Variants in PUM2 observed in about 807,000 individuals in gnomAD.
PUM2 encodes pumilio homolog 2.
Under a neutral mutation model 124.5 loss-of-function variants are expected in PUM2, and 57 were observed. The ratio of observed to expected loss-of-function variants is 0.46; its 90% CI spans 0.37 to 0.57. The LOEUF (loss-of-function observed/expected upper bound fraction) is 0.57. Among genes scored for constraint, PUM2 ranks in the 20% least tolerant of loss-of-function variants. The pLI is 0.00. For missense variants in PUM2, 1,065 were observed against 1,290.6 expected (o/e 0.83, Z 2.68); for synonymous variants, 460 against 446.1 (o/e 1.03, Z -0.39).
intron 8 of PUM2, among the ~76,000 whole-genome samples, chr2:20,296,529 A>C (rs1455635282): frequency 1.3e-5 from 2 of 151,604 alleles, no homozygotes; most frequent in South Asian, 2.1e-4. Context: ...CTAGGAAAAT[A>C]CTGACTGTCA....
intron 2 of PUM2, among the ~76,000 whole-genome samples, chr2:20,322,289 T>A (rs1450080597): frequency 6.6e-6 from 1 of 152,072 alleles, no homozygotes; most frequent in African/African-American, 2.4e-5. Flanking sequence ...TAAGAACAGA[T>A]CCTCAAAACT....
rs147371700 is a variant in PUM2 at position 20,317,408 on chromosome 2, T to A, written c.160+1129A>T. Among the ~76,000 whole-genome samples, 30 of 152,308 alleles carry A rather than the reference T, an allele frequency of 2.0e-4. 1 individual carries two copies. In the East Asian group the frequency reaches 5.8e-3, roughly 29 times the overall value. ...TTACCAAGACAGTCTACTTCCTTCC[T>A]GGGTGTGGCAAATATCTAATAAAGC... On this transcript the variant is annotated intron_variant, in intron 3 of 20. Coordinates refer to ENST00000361078, the MANE Select transcript of PUM2 (RefSeq NM_015317.5).
At chr2:20,326,301 A>G (rs1683656795) in intron 2 of PUM2, 1 of 1,303,874 alleles carries the variant, frequency 7.7e-7, no homozygotes, top group African/African-American at 1.5e-5. Context: ...TCTTTGGAAA[A>G]CGCTGTTCTG....
intron 1 of PUM2, among the ~76,000 whole-genome samples, chr2:20,345,018 C>T (rs1158630859): frequency 1.3e-5 from 2 of 149,010 alleles, no homozygotes; most frequent in African/African-American, 4.9e-5. Flanking sequence ...AAGAAGATTC[C>T]GCTTTACCTC....
At chr2:20,350,375 C>T in intron 1 of PUM2, 1 of 750,718 alleles carries the variant, frequency 1.3e-6, no homozygotes, top group Non-Finnish European at 1.6e-6. Context: ...GGGAAAGCGG[C>T]CGGCGCGGCG....
chr2:20,313,835 C>CAAAAAA (rs35569645), intron 3 of PUM2, among the ~76,000 whole-genome samples: 5 of 55,052 alleles, frequency 9.1e-5, no homozygotes, highest in African/African-American at 2.2e-4. Context: ...GATCCTGTCT[C>CAAAAAA]AAAAAAAAAA....
At chr2:20,311,843 T>C (rs1679681372) in intron 4 of PUM2, among the ~76,000 whole-genome samples, 180 bp from the exon 5 acceptor site, 1 of 152,162 alleles carries the variant, frequency 6.6e-6, no homozygotes, top group Non-Finnish European at 1.5e-5. Flanking sequence ...TAGTGATTTA[T>C]AACAGAAGGG....
intron 9 of PUM2, among the ~76,000 whole-genome samples, chr2:20,293,374 G>T (rs1371157226): frequency 1.3e-5 from 2 of 152,142 alleles, no homozygotes; most frequent in African/African-American, 4.8e-5. Flanking sequence ...GATGTCAAAG[G>T]ACTGAGCCAA....
chr2:20,283,449 C>A lies in PUM2; in HGVS notation c.1329G>T (p.Gln443His), dbSNP rs770510676. ...QVLAPTAYYD[Q>H]TGALVVGPGA... is the part of the protein sequence containing the mutation. ...CAGGGCCAACCACTAAGGCACCAGT[C>A]TGATCATAATAGGCAGTTGGAGCTA... The change falls in exon 11 of 21, where the codon CAG (glutamine) becomes CAT (histidine). Residue 443 changes from glutamine (Q) to histidine (H), a missense_variant. Gln to His is a conservative substitution (Grantham distance 24). This residue lies in a region of PUM2 where 968 missense variants were observed against 1,159.8 expected (regional missense o/e 0.83). Coordinates refer to ENST00000361078, the MANE Select transcript of PUM2 (RefSeq NM_015317.5). 4 of 1,613,916 alleles carry A rather than the reference C, an allele frequency of 2.5e-6. No homozygotes were observed. The East Asian group carries it at 8.9e-5, about 36-fold the overall frequency.
At chr2:20,321,025 A>T (rs1682209232) in intron 2 of PUM2, among the ~76,000 whole-genome samples, 1 of 150,530 alleles carries the variant, frequency 6.6e-6, no homozygotes, top group South Asian at 2.1e-4. Context: ...TATCACAGAC[A>T]AAGAAGTGGC....
intron 7 of PUM2, among the ~76,000 whole-genome samples, chr2:20,298,485 A>C (rs1437885254): frequency 1.3e-5 from 2 of 152,326 alleles, no homozygotes; most frequent in Non-Finnish European, 2.9e-5. Flanking sequence ...AGAGAGAAGA[A>C]ACTCTCAGAT....
intron 1 of PUM2, among the ~76,000 whole-genome samples, chr2:20,337,823 A>G (rs894422148): frequency 6.6e-6 from 1 of 152,200 alleles, no homozygotes; most frequent in Non-Finnish European, 1.5e-5. Flanking sequence ...ATTTTTAATC[A>G]GCTAACCTTC....
intron 13 of PUM2, among the ~76,000 whole-genome samples, chr2:20,264,095 T>C (rs998484923): frequency 6.6e-6 from 1 of 151,250 alleles, no homozygotes; most frequent in Non-Finnish European, 1.5e-5. Flanking sequence ...TCCCAGCACT[T>C]TGGATGGTCG....
rs1268260492 is a variant in PUM2 at position 20,251,698 on chromosome 2, T to C, written c.3082A>G (p.Thr1028Ala). 6.2e-7 allele frequency: 1 copy of C among 1,613,042 alleles called. No homozygotes were observed. The highest frequency in any genetic ancestry group is 8.5e-7 in the Non-Finnish European group (1 of 1,179,430). The change falls in exon 21 of 21, where the codon ACT (threonine) becomes GCT (alanine). Residue 1028 changes from threonine to alanine, a missense_variant. This residue lies in a region of PUM2 where 968 missense variants were observed against 1,159.8 expected (regional missense o/e 0.83). Transcript: ENST00000361078. ...IMHKIRPHIT[T>A]LRKYTYGKHI... ...TTCCCGTATGTGTATTTGCGCAAAG[T>C]AGTAATGTGAGGTCGAATCTGAAAA...
chr2:20,349,234 C>G (rs945573746), intron 1 of PUM2, among the ~76,000 whole-genome samples: 1 of 152,160 alleles, frequency 6.6e-6, no homozygotes, highest in Non-Finnish European at 1.5e-5. Flanking sequence ...ATAGCTAGAC[C>G]TGTAAACAAA....
At chr2:20,272,883 T>C (rs1477751329) in intron 13 of PUM2, among the ~76,000 whole-genome samples, 1 of 152,202 alleles carries the variant, frequency 6.6e-6, no homozygotes, top group Non-Finnish European at 1.5e-5. Context: ...GCTGGATCCA[T>C]TCCTAGATAT....
intron 1 of PUM2, among the ~76,000 whole-genome samples, chr2:20,328,359 C>T (rs1018728869): frequency 2.0e-5 from 3 of 152,042 alleles, no homozygotes; most frequent in Admixed American, 2.0e-4. Flanking sequence ...AACACAAACA[C>T]ACAACCTCCA....
intron 12 of PUM2, 112 bp downstream of exon 12, chr2:20,282,835 C>A: frequency 8.2e-7 from 1 of 1,223,592 alleles, no homozygotes; most frequent in Non-Finnish European, 1.1e-6. Context: ...TAGTCCAATA[C>A]TTTATTCCTG....
At chr2:20,259,913 T>C (rs959643058) in intron 15 of PUM2, among the ~76,000 whole-genome samples, 12 of 152,254 alleles carry the variant, frequency 7.9e-5, no homozygotes, top group African/African-American at 2.9e-4. Context: ...AGGGCTCTAA[T>C]TTCTCCATAT....
Sources: allele counts gnomAD v4.1 joint callset (sites outside exome capture counted in the v4.1 genomes callset), GRCh38; gene constraint gnomAD v4.1.1; regional missense constraint gnomAD v4.1.1; transcripts MANE v1.5; gene names NCBI Gene and HGNC (gene_info 2026-07-23, HGNC 2026-07-21).